Variants in MTSS1 observed in about 807,000 individuals in gnomAD.
The protein encoded by MTSS1 is MTSS I-BAR domain containing 1.
Under a neutral mutation model 79.0 loss-of-function variants are expected in MTSS1, and 18 were observed. The ratio of observed to expected loss-of-function variants is 0.23; its 90% CI spans 0.16 to 0.34. The LOEUF (loss-of-function observed/expected upper bound fraction) is 0.34. Ranked by LOEUF, MTSS1 falls within the 10% of genes least tolerant of loss-of-function variation. The pLI is 1.00. For synonymous variants in MTSS1, 341 were observed against 368.6 expected (o/e 0.93, Z 0.86); for missense variants, 815 against 986.2 (o/e 0.83, Z 2.33).
chr8:124,589,604 C>T lies in MTSS1; in HGVS notation c.385+16G>A, dbSNP rs773426522. ...CCCCAGCGTGCAGTGATGCGCTAGA[C>T]ATCTCGCCCCTGTACCTTTTGCGTG... On this transcript the variant is annotated intron_variant, in intron 5 of 13. Coordinates refer to ENST00000518547, the MANE Select transcript of MTSS1 (RefSeq NM_014751.6). 59 of 1,603,290 alleles carry T rather than the reference C, an allele frequency of 3.7e-5. 1 individual carries two copies. The South Asian group carries it at 5.8e-4, about 16-fold the overall frequency.
chr8:124,567,193 A>ACTCATGATAATAACAT lies in MTSS1; in HGVS notation c.619-16_619-15insATGTTATTATCATGAG. ...ATTTCTTCTTCCTGAAGGAAAAGTC[A>ACTCATGATAATAACAT]TTCATGAAATGTTATTATCATGAGT... On this transcript the variant is annotated splice_polypyrimidine_tract_variant and intron_variant, in intron 7 of 13. Coordinates refer to ENST00000518547, the MANE Select transcript of MTSS1 (RefSeq NM_014751.6). 1 of 1,555,968 alleles carries ACTCATGATAATAACAT rather than the reference A, an allele frequency of 6.4e-7. No homozygotes were observed. The highest frequency in any genetic ancestry group is 8.9e-7 in the Non-Finnish European group (1 of 1,127,146).
intron 1 of MTSS1, among the ~76,000 whole-genome samples, chr8:124,717,015 A>C (rs1832116094): frequency 2.0e-5 from 3 of 152,008 alleles, no homozygotes; most frequent in African/African-American, 7.2e-5. Flanking sequence ...AAAAAAAAAA[A>C]AAAACTGGAC....
intron 3 of MTSS1, among the ~76,000 whole-genome samples, chr8:124,641,497 GA>G (rs1818042484): frequency 6.6e-6 from 1 of 152,174 alleles, no homozygotes; most frequent in South Asian, 2.1e-4. Flanking sequence ...AATTAAATAA[GA>G]ACATATGGAA....
chr8:124,565,126 T>A (rs1206916367), intron 9 of MTSS1, among the ~76,000 whole-genome samples: 4 of 152,240 alleles, frequency 2.6e-5, no homozygotes, highest in African/African-American at 9.6e-5. Flanking sequence ...ACAGATTTTG[T>A]TCCAATAGGG....
chr8:124,610,433 CAACA>C (rs1051691799), intron 3 of MTSS1, among the ~76,000 whole-genome samples: 12 of 152,176 alleles, frequency 7.9e-5, no homozygotes, highest in African/African-American at 2.9e-4. Flanking sequence ...GTTGCCATGA[CAACA>C]ATCACTTGGC....
At chr8:124,628,049 C>G (rs973794875) in intron 3 of MTSS1, among the ~76,000 whole-genome samples, 32 of 152,136 alleles carry the variant, frequency 2.1e-4, no homozygotes, top group African/African-American at 7.7e-4. Context: ...TGCCTGTAAT[C>G]CCAGCTACTC....
chr8:124,605,974 T>G (rs1230460442), intron 3 of MTSS1, among the ~76,000 whole-genome samples: 4 of 145,724 alleles, frequency 2.7e-5, no homozygotes, highest in African/African-American at 1.1e-4. Context: ...TTTTTTTTTT[T>G]TTTTTTTTTT....
chr8:124,568,351 A>C (rs1468009956), intron 7 of MTSS1, 28 bp downstream of exon 7: 1 of 1,604,894 alleles, frequency 6.2e-7, no homozygotes, highest in African/African-American at 1.3e-5. Context: ...CAGCAGTTTA[A>C]ACCTTCTGGA....
chr8:124,644,626 C>T (rs1818668600), intron 3 of MTSS1, among the ~76,000 whole-genome samples: 1 of 152,236 alleles, frequency 6.6e-6, no homozygotes, highest in East Asian at 1.9e-4. Context: ...TTTACCTGCT[C>T]TCTCCACTTC....
At chr8:124,680,833 T>C (rs1052833242) in intron 3 of MTSS1, among the ~76,000 whole-genome samples, 6 of 152,222 alleles carry the variant, frequency 3.9e-5, no homozygotes, top group African/African-American at 1.4e-4. Context: ...CTGTCACATC[T>C]ACCCAGCTGC....
At chr8:124,575,185 T>G (rs1286689825) in intron 6 of MTSS1, among the ~76,000 whole-genome samples, 1 of 152,230 alleles carries the variant, frequency 6.6e-6, no homozygotes, top group Non-Finnish European at 1.5e-5. Flanking sequence ...CCTTTATAAG[T>G]CATCTTCTAC....
At chr8:124,555,652 G>C (rs1823502968) in intron 13 of MTSS1, 90 bp downstream of exon 13, 1 of 1,378,078 alleles carries the variant, frequency 7.3e-7, no homozygotes, top group Admixed American at 2.8e-5. Context: ...AGCGAGTGGT[G>C]GGTTGTGGTT....
In MTSS1 at chr8:124,550,814, C is replaced by T. The variant is rs747655538; in HGVS notation, c.*2178G>A. Reference sequence around the variant, plus strand: ...TAATCTAGTGGTTCTTTATTTATAACGTAGGCTGAAGCAATTGTTACAATG... The same window carrying T: ...TAATCTAGTGGTTCTTTATTTATAATGTAGGCTGAAGCAATTGTTACAATG... On this transcript the variant is annotated 3_prime_UTR_variant, in exon 14 of 14. Coordinates refer to ENST00000518547, the MANE Select transcript of MTSS1 (RefSeq NM_014751.6). The T allele has an allele frequency of 6.6e-6, 1 of 152,494 alleles. No homozygotes were observed. Among genetic ancestry groups the T allele is most frequent in the Non-Finnish European group, 1.5e-5 (1 of 68,008 alleles). The allele number at this position is 152,494 out of a possible 1,614,324, so 9.4% of individuals were successfully genotyped here.
At chr8:124,702,736 G>A (rs1027343115) in intron 2 of MTSS1, among the ~76,000 whole-genome samples, 4 of 151,894 alleles carry the variant, frequency 2.6e-5, no homozygotes, top group Non-Finnish European at 4.4e-5. Flanking sequence ...TGCCTGCCCC[G>A]CTCTCTGAAC....
chr8:124,642,823 C>T (rs1402470148), intron 3 of MTSS1, among the ~76,000 whole-genome samples: 1 of 152,166 alleles, frequency 6.6e-6, no homozygotes, highest in Non-Finnish European at 1.5e-5. Flanking sequence ...GAACTCCTGA[C>T]CTCAGGTGAC....
At chr8:124,565,814 C>T in intron 8 of MTSS1, 55 bp from the exon 9 acceptor site, 1 of 1,415,232 alleles carries the variant, frequency 7.1e-7, no homozygotes, top group Non-Finnish European at 9.9e-7. Context: ...AAGCGTTAGC[C>T]ATCAAAGCTT....
intron 1 of MTSS1, among the ~76,000 whole-genome samples, chr8:124,724,100 T>C (rs1833336368): frequency 6.6e-6 from 1 of 152,184 alleles, no homozygotes; most frequent in African/African-American, 2.4e-5. Context: ...CAAGGAAGTG[T>C]ATCTCTCTTC....
intron 3 of MTSS1, among the ~76,000 whole-genome samples, chr8:124,652,192 G>A (rs994947764): frequency 2.0e-5 from 3 of 152,162 alleles, no homozygotes; most frequent in African/African-American, 7.2e-5. Context: ...TATTTATTTT[G>A]AGAGGGAGTC....
At chr8:124,674,494 C>T (rs1374180212) in intron 3 of MTSS1, among the ~76,000 whole-genome samples, 3 of 152,014 alleles carry the variant, frequency 2.0e-5, no homozygotes, top group Admixed American at 6.5e-5. Context: ...TATAGGCACA[C>T]ATCACCATAC....
Sources: allele counts gnomAD v4.1 joint callset (sites outside exome capture counted in the v4.1 genomes callset), GRCh38; gene constraint gnomAD v4.1.1; transcripts MANE v1.5; gene names NCBI Gene and HGNC (gene_info 2026-07-23, HGNC 2026-07-21).